PPDPFL: variants seen among roughly 807,000 people sequenced by gnomAD.
PPDPFL encodes the protein pancreatic progenitor cell differentiation and proliferation factor-like protein.
A neutral mutation model predicts 12.6 loss-of-function variants in PPDPFL; 12 were observed. The ratio of observed to expected loss-of-function variants is 0.95; its 90% CI spans 0.61 to 1.54. The LOEUF is 1.54. Among genes scored for constraint, PPDPFL ranks in the 40% most tolerant of loss-of-function variants. PPDPFL has a pLI of 0.00. For synonymous variants in PPDPFL, 24 were observed against 32.7 expected (o/e 0.73, Z 0.91); for missense variants, 114 against 96.0 (o/e 1.19, Z -0.78).
At chr8:49,067,535 C>A (rs556786180), upstream of PPDPFL, among the ~76,000 whole-genome samples, 1 of 152,312 alleles carries the variant, frequency 6.6e-6, no homozygotes, top group African/African-American at 2.4e-5. Flanking sequence ...TGGTCTGTGA[C>A]AACACAGGGC....
At position 49,075,345 on chromosome 8, in the gene PPDPFL, A is replaced by C. The variant is rs901864185; in HGVS notation, c.*172A>C. The stretch of plus-strand genomic sequence containing the variant: ...TTCCAGGACTCTTCTCCATTGTAAG[A>C]AGACAGAAATGTGTCTGAGATCTCA... On this transcript the variant is annotated 3_prime_UTR_variant, in exon 5 of 5. Coordinates refer to ENST00000522267, the MANE Select transcript of PPDPFL (RefSeq NM_001256597.2). The C allele has an allele frequency of 9.7e-6, 13 of 1,342,610 alleles. No individual in the cohort carries two copies. The highest frequency in any genetic ancestry group is 1.4e-5 in the Non-Finnish European group (13 of 933,786). The allele number at this position is 1,342,610 out of a possible 1,614,324, so 83.2% of individuals were successfully genotyped here. A position where few individuals can be genotyped will look rare whatever the true frequency, so the allele number is the denominator to read the frequency against.
upstream of PPDPFL, among the ~76,000 whole-genome samples, chr8:49,071,645 G>T (rs1808392364): frequency 6.6e-6 from 1 of 151,378 alleles, no homozygotes; most frequent in Non-Finnish European, 1.5e-5. Context: ...GACAGAGTGA[G>T]ACTCCGCCTC....
chr8:49,065,278 A>G (rs1005645741), intron 1 of PPDPFL, among the ~76,000 whole-genome samples: 6 of 152,180 alleles, frequency 3.9e-5, no homozygotes, highest in Non-Finnish European at 8.8e-5. Context: ...CTGAGGTGGA[A>G]ATATCTTGTT....
chr8:49,075,626 T>C lies in PPDPFL; in HGVS notation c.*453T>C, dbSNP rs1426541971. Reference sequence around the variant, plus strand: ...TTTTTCTGTCTGTTGAGTGATTTATTTATTATGCCTTAAAACTGACTTGTC... The same window carrying C: ...TTTTTCTGTCTGTTGAGTGATTTATCTATTATGCCTTAAAACTGACTTGTC... On this transcript the variant is annotated 3_prime_UTR_variant, in exon 5 of 5. Coordinates refer to ENST00000522267, the MANE Select transcript of PPDPFL (RefSeq NM_001256597.2). The C allele has an allele frequency of 4.1e-6, 1 of 245,034 alleles. No homozygotes were observed. Among genetic ancestry groups the C allele is most frequent in the Non-Finnish European group, 8.0e-6 (1 of 124,934 alleles). The allele number at this position is 245,034 out of a possible 1,614,324, so 15.2% of individuals were successfully genotyped here. A position where few individuals can be genotyped will look rare whatever the true frequency, so the allele number is the denominator to read the frequency against.
upstream of PPDPFL, among the ~76,000 whole-genome samples, chr8:49,067,623 T>C (rs899222299): frequency 1.3e-5 from 2 of 152,238 alleles, no homozygotes; most frequent in African/African-American, 4.8e-5. Flanking sequence ...ATCTGATATC[T>C]ATTTACTACT....
At position 49,074,789 on chromosome 8, in the gene PPDPFL, C is replaced by T. The variant is rs1808461891; in HGVS notation, c.234-363C>T. On this transcript the variant is annotated intron_variant, in intron 4 of 4. Transcript: ENST00000522267. Reference sequence around the variant, plus strand: ...GAGTTTGTGTGCAGTTGTTTTCAGACATTTTGAACTCAAACACACTGACTA... The same window carrying T: ...GAGTTTGTGTGCAGTTGTTTTCAGATATTTTGAACTCAAACACACTGACTA... 8 of 1,430,732 alleles carry T rather than the reference C, an allele frequency of 5.6e-6. No homozygotes were observed. In the Admixed American group the frequency reaches 1.5e-4, roughly 26 times the overall value. 88.6% of individuals were successfully genotyped at this position (1,430,732 alleles called of 1,614,324 possible).
Position 49,072,896 on chromosome 8 carries a change from T to C in PPDPFL, c.55+11T>C, listed in dbSNP as rs755178947. On this transcript the variant is annotated intron_variant, in intron 2 of 4. Transcript: ENST00000522267. Reference sequence around the variant, plus strand: ...ATCAGTATTATCGAAGTAAGTTGCATCATCATAGAGACGTCCCTAGATAAT... The same window carrying C: ...ATCAGTATTATCGAAGTAAGTTGCACCATCATAGAGACGTCCCTAGATAAT... The C allele has an allele frequency of 6.2e-7, 1 of 1,602,242 alleles. No individual in the cohort carries two copies. Among genetic ancestry groups the C allele is most frequent in the South Asian group, 1.1e-5 (1 of 89,346 alleles).
At chr8:49,058,067 T>G (rs967731504) in intron 1 of PPDPFL, among the ~76,000 whole-genome samples, 18 of 152,282 alleles carry the variant, frequency 1.2e-4, no homozygotes, top group African/African-American at 4.3e-4. Context: ...AAGGAACACC[T>G]CCTACATTTT....
At chr8:49,074,165 C>T (rs757606081) in intron 3 of PPDPFL, 29 bp downstream of exon 3, 22 of 1,600,944 alleles carry the variant, frequency 1.4e-5, no homozygotes, top group Non-Finnish European at 1.5e-5. Flanking sequence ...CAGTGTCATC[C>T]TTATTATTTC....
chr8:49,058,548 TAC>T (rs1304366693), intron 1 of PPDPFL, among the ~76,000 whole-genome samples: 3 of 152,358 alleles, frequency 2.0e-5, no homozygotes, highest in Non-Finnish European at 4.4e-5. Flanking sequence ...GTGTTTTAAT[TAC>T]AGTTTAAATG....
intron 1 of PPDPFL, among the ~76,000 whole-genome samples, chr8:49,063,020 T>C (rs1488991064): frequency 2.0e-5 from 3 of 152,314 alleles, no homozygotes; most frequent in South Asian, 4.1e-4. Flanking sequence ...GGGTTGTTCA[T>C]GCACTGTGGA....
chr8:49,073,504 TAG>T (rs1235372192), intron 2 of PPDPFL, among the ~76,000 whole-genome samples: 3 of 152,224 alleles, frequency 2.0e-5, no homozygotes, highest in Non-Finnish European at 4.4e-5. Flanking sequence ...GTATAAGTGT[TAG>T]AGACAACTAC....
At chr8:49,066,329 C>T (rs147100244) in intron 1 of PPDPFL, among the ~76,000 whole-genome samples, 7 of 152,262 alleles carry the variant, frequency 4.6e-5, no homozygotes, top group African/African-American at 7.2e-5. Context: ...AAGTTCAGCC[C>T]GCTGGGGGCT....
At chr8:49,072,748 TATTC>T (rs766900938) in intron 1 of PPDPFL, 35 bp from the exon 2 acceptor site, 45 of 970,662 alleles carry the variant, frequency 4.6e-5, no homozygotes, top group Non-Finnish European at 6.5e-5. Flanking sequence ...AACTCCCTGT[TATTC>T]ATATCAATGT....
intron 1 of PPDPFL, among the ~76,000 whole-genome samples, chr8:49,058,876 G>T (rs1808152543): frequency 1.3e-5 from 2 of 152,172 alleles, no homozygotes; most frequent in Non-Finnish European, 2.9e-5. Context: ...CCATGCAAAG[G>T]TTCTTCTTTC....
Position 49,074,083 on chromosome 8 carries a change from C to G in PPDPFL, c.80C>G (p.Ser27Cys), listed in dbSNP as rs771320910. 1 of 1,612,604 alleles carries G rather than the reference C, an allele frequency of 6.2e-7. No homozygotes were observed. The highest frequency in any genetic ancestry group is 8.5e-7 in the Non-Finnish European group (1 of 1,178,840). Residue 27 changes from serine to cysteine, a missense_variant, in exon 3 of 5, where the codon TCT (serine) becomes TGT (cysteine). Transcript: ENST00000522267. Reference protein sequence around the residue: ...YRKSSVSSVSSLTSSDSVNFI... With the variant: ...YRKSSVSSVSCLTSSDSVNFI... Reference sequence around the variant, plus strand: ...GAGTCCAGTGTTTCTTCAGTTAGTTCTTTAACTAGCTCTGATTCTGTTAAC... The same window carrying G: ...GAGTCCAGTGTTTCTTCAGTTAGTTGTTTAACTAGCTCTGATTCTGTTAAC...
intron 1 of PPDPFL, among the ~76,000 whole-genome samples, chr8:49,065,331 C>T (rs1448563134): frequency 6.6e-6 from 1 of 152,132 alleles, no homozygotes; most frequent in Non-Finnish European, 1.5e-5. Context: ...CTCAGCTGCT[C>T]TGTGGCTTTC....
Position 49,074,071 on chromosome 8 carries a change from C to G in PPDPFL, c.68C>G (p.Ser23Cys). 1 of 1,611,200 alleles carries G rather than the reference C, an allele frequency of 6.2e-7. No homozygotes were observed. The highest frequency in any genetic ancestry group is 8.5e-7 in the Non-Finnish European group (1 of 1,177,740). Reference protein sequence around the residue: ...RNQYYRKSSVSSVSSLTSSDS... With the variant: ...RNQYYRKSSVCSVSSLTSSDS... Reference sequence around the variant, plus strand: ...TTGTTTCCTACAGAGTCCAGTGTTTCTTCAGTTAGTTCTTTAACTAGCTCT... The same window carrying G: ...TTGTTTCCTACAGAGTCCAGTGTTTGTTCAGTTAGTTCTTTAACTAGCTCT... Residue 23 changes from serine (S) to cysteine (C), a missense_variant, in exon 3 of 5, where the codon TCT becomes TGT. Transcript: ENST00000522267.
intron 1 of PPDPFL, 71 bp downstream of exon 1, chr8:49,072,553 T>A (rs116030742): frequency 6.0e-4 from 163 of 270,042 alleles, no homozygotes; most frequent in African/African-American, 3.4e-3. Context: ...GAGTAAGTTC[T>A]GTGCATTGTG....
Sources: allele counts gnomAD v4.1 joint callset (sites outside exome capture counted in the v4.1 genomes callset), GRCh38; gene constraint gnomAD v4.1.1; transcripts MANE v1.5; gene names NCBI Gene and HGNC (gene_info 2026-07-23, HGNC 2026-07-21).